The following ITGA8 variants were observed in gnomAD, a reference collection of about 807,000 sequenced individuals.
The protein encoded by ITGA8 is integrin subunit alpha 8, also known as integrin alpha-8.
Under a neutral mutation model 142.3 loss-of-function variants are expected in ITGA8, and 91 were observed. The observed-to-expected ratio is 0.64, with a 90% confidence interval of 0.54 to 0.76. ITGA8 has a LOEUF of 0.76. Ranked by LOEUF, ITGA8 falls within the 30% of genes least tolerant of loss-of-function variation. The pLI is 0.00. For missense variants in ITGA8, 1,406 were observed against 1,327.7 expected, an observed-to-expected ratio of 1.06 and a Z score of -0.92; for synonymous variants, 505 against 485.2, an observed-to-expected ratio of 1.04 and a Z score of -0.54.
intron 26 of ITGA8, among the ~76,000 whole-genome samples, chr10:15,555,136 T>C (rs1248069890): frequency 1.3e-5 from 2 of 152,232 alleles, no homozygotes; most frequent in Non-Finnish European, 1.5e-5. Context: ...ATTTCATTTA[T>C]TCATGTCATA....
rs1291486558 is a variant in ITGA8, at chr10:15,646,961, C to G, written c.1092G>C (p.Leu364Phe). 5 of 1,614,050 alleles carry G rather than the reference C, an allele frequency of 3.1e-6. No individual in the cohort carries two copies. Among genetic ancestry groups the G allele is most frequent in the Non-Finnish European group, 4.2e-6 (5 of 1,180,004 alleles). ...CTCTGAAGAGGAGAGAGCTCACTTG[C>G]AAATACAGGTAGATTTGCCCTACTT... ...PREVGQIYLY[L>F]QVSSLLFRDP... The change falls in exon 12 of 30, where the codon TTG becomes TTC. Residue 364 changes from leucine (L) to phenylalanine (F), a missense_variant. Leu to Phe is a conservative substitution (Grantham distance 22). Coordinates refer to ENST00000378076, the MANE Select transcript of ITGA8 (RefSeq NM_003638.3).
chr10:15,717,377 G>A (rs138289535), intron 2 of ITGA8, among the ~76,000 whole-genome samples: 1,544 of 152,160 alleles, frequency 0.01, 21 homozygotes, highest in African/African-American at 0.036. Context: ...TTATTAAAAT[G>A]GCATTAATTT....
At chr10:15,520,403 A>T (rs1230226470) in intron 28 of ITGA8, among the ~76,000 whole-genome samples, 1 of 152,036 alleles carries the variant, frequency 6.6e-6, no homozygotes, top group Non-Finnish European at 1.5e-5. Context: ...ACAGGGTGAC[A>T]CTCTTCTTTC....
intron 2 of ITGA8, among the ~76,000 whole-genome samples, chr10:15,691,699 G>A (rs1160959722): frequency 6.6e-6 from 1 of 152,174 alleles, no homozygotes; most frequent in Non-Finnish European, 1.5e-5. Flanking sequence ...AGAGGCTGGG[G>A]AGGGCAGAAG....
At chr10:15,659,425 G>A (rs1051507048) in intron 9 of ITGA8, among the ~76,000 whole-genome samples, 4 of 152,116 alleles carry the variant, frequency 2.6e-5, no homozygotes, top group Admixed American at 2.6e-4. Context: ...ATGGTTCTTT[G>A]CAAGAAAAAT....
At chr10:15,662,250 CA>C (rs1477419009) in intron 8 of ITGA8, among the ~76,000 whole-genome samples, 1 of 138,952 alleles carries the variant, frequency 7.2e-6, no homozygotes, top group Non-Finnish European at 1.5e-5. Context: ...CACTCAACTA[CA>C]AAAAATATTC....
At chr10:15,651,299 C>T (rs192788606) in intron 11 of ITGA8, among the ~76,000 whole-genome samples, 10 of 152,072 alleles carry the variant, frequency 6.6e-5, no homozygotes, top group South Asian at 4.1e-4. Flanking sequence ...CTTACATTGA[C>T]GGAGTTTGTA....
At chr10:15,621,056 G>A (rs1040523596) in intron 13 of ITGA8, among the ~76,000 whole-genome samples, 1 of 152,042 alleles carries the variant, frequency 6.6e-6, no homozygotes, top group Non-Finnish European at 1.5e-5. Flanking sequence ...TTGAGATAAC[G>A]GGTCTGATAC....
chr10:15,708,517 G>A (rs916768591), intron 2 of ITGA8, among the ~76,000 whole-genome samples: 3 of 152,076 alleles, frequency 2.0e-5, no homozygotes, highest in African/African-American at 7.2e-5. Flanking sequence ...ATAAGTGAAG[G>A]GGTTGACACT....
At chr10:15,608,491 T>C (rs1833239229) in intron 15 of ITGA8, among the ~76,000 whole-genome samples, 1 of 152,118 alleles carries the variant, frequency 6.6e-6, no homozygotes, top group Non-Finnish European at 1.5e-5. Context: ...GACATTATTA[T>C]TACATGGAAG....
intron 2 of ITGA8, among the ~76,000 whole-genome samples, chr10:15,704,212 T>G (rs1835217286): frequency 6.6e-6 from 1 of 152,236 alleles, no homozygotes; most frequent in East Asian, 1.9e-4. Context: ...CAACATTTTC[T>G]TTAGCCTCTG....
chr10:15,705,109 C>T lies in ITGA8; in HGVS notation c.343+13657G>A, dbSNP rs764436277. ...TTTATCCTTAGGGAAGATTAACACTCGAGAGGAAATTATTCTATGGGAGAT... is the reference window on the plus strand; with the variant it reads ...TTTATCCTTAGGGAAGATTAACACTTGAGAGGAAATTATTCTATGGGAGAT... On this transcript the variant is annotated intron_variant, in intron 2 of 29. Coordinates refer to ENST00000378076, the MANE Select transcript of ITGA8 (RefSeq NM_003638.3). Among the ~76,000 whole-genome samples, 58 of 152,056 alleles carry T rather than the reference C, an allele frequency of 3.8e-4. 1 individual carries two copies. The highest frequency in any genetic ancestry group is 7.4e-4 in the Non-Finnish European group (50 of 68,016).
At chr10:15,624,888 G>T (rs567664821) in intron 13 of ITGA8, among the ~76,000 whole-genome samples, 1 of 152,254 alleles carries the variant, frequency 6.6e-6, no homozygotes, top group East Asian at 1.9e-4. Context: ...CTTGTGAGTG[G>T]GCTATGAAAT....
At chr10:15,536,312 T>C (rs1833436632) in intron 27 of ITGA8, among the ~76,000 whole-genome samples, 1 of 152,146 alleles carries the variant, frequency 6.6e-6, no homozygotes, top group Non-Finnish European at 1.5e-5. Flanking sequence ...AAATGCATCT[T>C]CACTTTTAAA....
chr10:15,653,831 C>CTTTTTTTTTTTTT (rs111283505), intron 11 of ITGA8, among the ~76,000 whole-genome samples: 1 of 130,012 alleles, frequency 7.7e-6, no homozygotes, highest in Non-Finnish European at 1.7e-5. Flanking sequence ...TTTCTTTTTT[C>CTTTTTTTTTTTTT]TTTTTTTTTT....
At chr10:15,611,495 T>C (rs12761210) in intron 15 of ITGA8, 79 of 82,786 alleles carry the variant, frequency 9.5e-4, no homozygotes, top group Admixed American at 1.8e-3. Flanking sequence ...AGAACTCTTT[T>C]TTTTTTTTTT....
intron 11 of ITGA8, among the ~76,000 whole-genome samples, chr10:15,649,108 G>A (rs950133528): frequency 6.6e-6 from 1 of 152,120 alleles, no homozygotes; most frequent in Non-Finnish European, 1.5e-5. Flanking sequence ...GCCAAACCAA[G>A]TGTCCCTGAG....
At chr10:15,669,308 C>A (rs191345365) in intron 8 of ITGA8, among the ~76,000 whole-genome samples, 1 of 152,262 alleles carries the variant, frequency 6.6e-6, no homozygotes, top group Non-Finnish European at 1.5e-5. Context: ...CAGTTGATTG[C>A]GTCGGCTACT....
chr10:15,524,886 C>T (rs1833139505), intron 28 of ITGA8, among the ~76,000 whole-genome samples: 1 of 152,058 alleles, frequency 6.6e-6, no homozygotes, highest in African/African-American at 2.4e-5. Flanking sequence ...CTACAGGAAG[C>T]TTAGATAGAA....
Sources: gnomAD v4.1 joint callset for allele counts (sites outside exome capture counted in the v4.1 genomes callset) on GRCh38, gnomAD v4.1.1 for gene constraint, MANE v1.5 for transcripts, NCBI Gene and HGNC (gene_info 2026-07-23, HGNC 2026-07-21) for gene names.